FGF14: variants seen among roughly 807,000 people sequenced by gnomAD.
FGF14 encodes fibroblast growth factor homologous factor 4.
FGF14 carries 5 observed loss-of-function variants against 25.5 expected under a neutral mutation model. The ratio of observed to expected loss-of-function variants is 0.20; its 90% CI spans 0.10 to 0.41. The LOEUF (loss-of-function observed/expected upper bound fraction) is 0.41, where lower values mean the gene tolerates loss of function less well. Ranked by LOEUF, FGF14 falls within the 10% of genes least tolerant of loss-of-function variation. FGF14 has a pLI of 1.00. For synonymous variants in FGF14, 138 were observed against 118.3 expected (o/e 1.17, Z -1.08); for missense variants, 222 against 320.1 (o/e 0.69, Z 2.34).
chr13:102,134,574 A>C (rs1271205886), intron 1 of FGF14, among the ~76,000 whole-genome samples: 1 of 152,210 alleles, frequency 6.6e-6, no homozygotes, highest in South Asian at 2.1e-4. Flanking sequence ...ATTTTGGTGT[A>C]GAAATTGTGA....
intron 1 of FGF14, among the ~76,000 whole-genome samples, chr13:101,983,936 A>G (rs1429876219): frequency 1.3e-5 from 2 of 152,140 alleles, no homozygotes; most frequent in Non-Finnish European, 2.9e-5. Context: ...GTGTTTCCTA[A>G]TGATCTGGGA....
At chr13:101,993,884 A>G (rs1244980704) in intron 1 of FGF14, among the ~76,000 whole-genome samples, 1 of 152,060 alleles carries the variant, frequency 6.6e-6, no homozygotes, top group Non-Finnish European at 1.5e-5. Flanking sequence ...ACAAACCTGC[A>G]CATTGTGCAC....
At chr13:102,258,852 T>C (rs1566872434) in intron 1 of FGF14, among the ~76,000 whole-genome samples, 1 of 152,170 alleles carries the variant, frequency 6.6e-6, no homozygotes, top group Non-Finnish European at 1.5e-5. Flanking sequence ...CAAGTAAAAC[T>C]AATGTGAAAA....
chr13:102,051,118 T>A (rs921502389), intron 1 of FGF14, among the ~76,000 whole-genome samples: 1 of 152,156 alleles, frequency 6.6e-6, no homozygotes, highest in African/African-American at 2.4e-5. Flanking sequence ...TTAAGCCCAC[T>A]CATGTCTCAG....
chr13:102,092,757 C>T (rs754151708), intron 1 of FGF14, among the ~76,000 whole-genome samples: 2 of 152,062 alleles, frequency 1.3e-5, no homozygotes, highest in Non-Finnish European at 2.9e-5. Context: ...ACATTAGATA[C>T]ACAGGGTGAA....
At chr13:101,848,992 T>C (rs1363236212) in intron 3 of FGF14, among the ~76,000 whole-genome samples, 2 of 152,104 alleles carry the variant, frequency 1.3e-5, no homozygotes, top group African/African-American at 4.8e-5. Context: ...TATTTTTCTT[T>C]TACTTTCTCG....
rs2034699522 is a variant in FGF14 at position 101,715,877 on chromosome 13, A to G, written c.*6954T>C. On this transcript the variant is annotated 3_prime_UTR_variant, in exon 5 of 5. Transcript: ENST00000376143. ...AAAAAGATTCTTCCATAATTAACATAAGTGGTTCCTAACGAGAGCAATTTT... is the reference window on the plus strand; with the variant it reads ...AAAAAGATTCTTCCATAATTAACATGAGTGGTTCCTAACGAGAGCAATTTT... 1 of 435,090 alleles carries G rather than the reference A, an allele frequency of 2.3e-6. No homozygotes were observed. Among genetic ancestry groups the G allele is most frequent in the South Asian group, 3.1e-5 (1 of 32,120 alleles). The allele number at this position is 435,090 out of a possible 1,614,324, so 27.0% of individuals were successfully genotyped here.
chr13:102,211,595 T>C (rs7326285), intron 1 of FGF14, among the ~76,000 whole-genome samples: 29,530 of 152,216 alleles, frequency 0.19, 3,089 homozygotes, highest in Non-Finnish European at 0.25. Context: ...TTTTGCTACT[T>C]GGCTACAACA....
intron 3 of FGF14, among the ~76,000 whole-genome samples, chr13:101,754,960 G>A (rs1265222067): frequency 3.3e-5 from 5 of 152,118 alleles, no homozygotes; most frequent in Admixed American, 2.6e-4. Context: ...GAAGTTAAAT[G>A]ACATATCTTT....
intron 1 of FGF14, among the ~76,000 whole-genome samples, chr13:101,987,991 G>T (rs1282417661): frequency 6.6e-6 from 1 of 151,952 alleles, no homozygotes; most frequent in Non-Finnish European, 1.5e-5. Context: ...CTAGAATCAC[G>T]AATGAAATAC....
chr13:101,894,746 A>C (rs2030368089), intron 1 of FGF14, among the ~76,000 whole-genome samples: 1 of 152,196 alleles, frequency 6.6e-6, no homozygotes, highest in Non-Finnish European at 1.5e-5. Context: ...TGTAAGATTA[A>C]AGAAAAAAAG....
intron 1 of FGF14, among the ~76,000 whole-genome samples, chr13:102,087,769 T>C (rs1226338066): frequency 6.6e-6 from 1 of 151,992 alleles, no homozygotes; most frequent in Non-Finnish European, 1.5e-5. Flanking sequence ...GCAGGTGACA[T>C]GCAAAAATAG....
intron 1 of FGF14, among the ~76,000 whole-genome samples, chr13:102,315,347 G>A (rs911398554): frequency 1.3e-5 from 2 of 152,032 alleles, no homozygotes; most frequent in African/African-American, 2.4e-5. Flanking sequence ...ACCCCTTCAG[G>A]GGACAGTAGA....
rs1295822956 is a variant in FGF14, at chr13:101,715,315, GGAGT to G, written c.*7512_*7515del. 3.1e-5 allele frequency: 13 copies of G among 421,966 alleles called. No homozygotes were observed. The highest frequency in any genetic ancestry group is 4.7e-5 in the Non-Finnish European group (11 of 233,930). The allele number at this position is 421,966 out of a possible 1,614,324, so 26.1% of individuals were successfully genotyped here. A position where few individuals can be genotyped will look rare whatever the true frequency, so the allele number is the denominator to read the frequency against. ...AAAATTGTCACCTAAAAGCCTAGCT[GGAGT>G]GATACAGGATGGTGACTATCTGATC... On this transcript the variant is annotated 3_prime_UTR_variant, in exon 5 of 5. Transcript: ENST00000376143.
At chr13:101,894,039 A>T (rs1443910181) in intron 1 of FGF14, among the ~76,000 whole-genome samples, 3 of 149,672 alleles carry the variant, frequency 2.0e-5, no homozygotes, top group African/African-American at 7.4e-5. Context: ...TTTTTTTCAC[A>T]CTTTTTATCT....
chr13:101,954,633 T>C (rs923029175), intron 1 of FGF14, among the ~76,000 whole-genome samples: 3 of 152,232 alleles, frequency 2.0e-5, no homozygotes, highest in Admixed American at 6.5e-5. Context: ...AAAACCTGTG[T>C]AGGCTGAGCT....
At chr13:101,995,741 A>G (rs2039145576) in intron 1 of FGF14, among the ~76,000 whole-genome samples, 1 of 152,144 alleles carries the variant, frequency 6.6e-6, no homozygotes, top group Admixed American at 6.5e-5. Context: ...TTCTGCCTAG[A>G]AGAGCTGGCA....
intron 1 of FGF14, among the ~76,000 whole-genome samples, chr13:102,076,916 C>T (rs535488655): frequency 6.6e-6 from 1 of 152,108 alleles, no homozygotes; most frequent in South Asian, 2.1e-4. Context: ...AGTACTATCA[C>T]ATAGAGTAAT....
At chr13:101,885,178 A>T (rs1391765804) in intron 1 of FGF14, among the ~76,000 whole-genome samples, 1 of 152,176 alleles carries the variant, frequency 6.6e-6, no homozygotes, top group Non-Finnish European at 1.5e-5. Flanking sequence ...AGGTAGTTTG[A>T]GCTGGAAGAA....
Sources: gnomAD v4.1 joint callset for allele counts (sites outside exome capture counted in the v4.1 genomes callset) on GRCh38, gnomAD v4.1.1 for gene constraint, MANE v1.5 for transcripts, NCBI Gene and HGNC (gene_info 2026-07-23, HGNC 2026-07-21) for gene names.